ZNF503: variants seen among roughly 807,000 people sequenced by gnomAD.
The protein encoded by ZNF503 is zinc finger protein 503, also known as NocA-like zinc finger 2.
In ZNF503, 15 loss-of-function variants were observed where a neutral mutation model predicts 34.4. The observed-to-expected ratio is 0.44, with a 90% CI of 0.29 to 0.67. The LOEUF is 0.67. ZNF503 is among the 30% of genes least tolerant of loss of function. ZNF503 has a pLI of 0.13. For synonymous variants in ZNF503, 580 were observed against 456.8 expected (o/e 1.27, Z -3.44); for missense variants, 1,007 against 926.8 (o/e 1.09, Z -1.12).
At chr10:75,372,526 A>G in the ZNF503 span, among the ~76,000 whole-genome samples, 3 of 152,250 alleles carry the variant, frequency 2.0e-5, no homozygotes, top group Non-Finnish European at 2.9e-5. Context: ...GCCTGACTCA[A>G]TGAACGACTG....
the ZNF503 span, among the ~76,000 whole-genome samples, chr10:75,301,754 CTT>C: frequency 6.6e-6 from 1 of 152,032 alleles, no homozygotes; most frequent in Non-Finnish European, 1.5e-5. Flanking sequence ...AATATAGAAA[CTT>C]TGCTCCAATA....
At chr10:75,305,499 T>A in the ZNF503 span, among the ~76,000 whole-genome samples, 5 of 152,176 alleles carry the variant, frequency 3.3e-5, no homozygotes, top group African/African-American at 1.2e-4. Context: ...TACAAGTTTT[T>A]TTGTTTTGGT....
At chr10:75,370,195 T>C in the ZNF503 span, among the ~76,000 whole-genome samples, 1 of 152,184 alleles carries the variant, frequency 6.6e-6, no homozygotes, top group African/African-American at 2.4e-5. Flanking sequence ...TATTTACGTT[T>C]ATAATAATTT....
the ZNF503 span, among the ~76,000 whole-genome samples, chr10:75,348,304 C>T: frequency 5.3e-5 from 8 of 151,650 alleles, no homozygotes; most frequent in Admixed American, 2.0e-4. Flanking sequence ...TCAAGTGATC[C>T]GCCTTTCTCA....
At chr10:75,319,469 G>C in the ZNF503 span, among the ~76,000 whole-genome samples, 2 of 152,002 alleles carry the variant, frequency 1.3e-5, no homozygotes, top group South Asian at 4.1e-4. Context: ...GTAATACCTA[G>C]AGCAGCCACT....
chr10:75,305,304 T>C, the ZNF503 span, among the ~76,000 whole-genome samples: 12 of 152,096 alleles, frequency 7.9e-5, no homozygotes, highest in Admixed American at 7.9e-4. Context: ...CCAAGTTGTA[T>C]GGAATAAGAA....
the ZNF503 span, among the ~76,000 whole-genome samples, chr10:75,308,045 C>T: frequency 2.6e-5 from 4 of 152,206 alleles, no homozygotes; most frequent in Non-Finnish European, 5.9e-5. Context: ...AATGCCACTT[C>T]ACTCCAGTGT....
the ZNF503 span, among the ~76,000 whole-genome samples, chr10:75,359,978 G>A: frequency 6.6e-6 from 1 of 151,964 alleles, no homozygotes; most frequent in African/African-American, 2.4e-5. Context: ...GTTTTTAGGT[G>A]TGTTTATTAC....
the ZNF503 span, among the ~76,000 whole-genome samples, chr10:75,309,405 TC>T: frequency 6.6e-6 from 1 of 152,186 alleles, no homozygotes; most frequent in Non-Finnish European, 1.5e-5. Flanking sequence ...GCAGCAAACT[TC>T]ATTATTATCT....
At chr10:75,395,083 C>T (rs1041373856), downstream of ZNF503, among the ~76,000 whole-genome samples, 1 of 152,160 alleles carries the variant, frequency 6.6e-6, no homozygotes, top group East Asian at 1.9e-4. This position sits in a 1 kb window ranked among gnomAD's most constrained non-coding sequence, Gnocchi z 4.4. Flanking sequence ...ATGAGCAGCC[C>T]TTGGCAAGGA....
the ZNF503 span, among the ~76,000 whole-genome samples, chr10:75,354,274 C>A: frequency 6.6e-6 from 1 of 152,196 alleles, no homozygotes; most frequent in African/African-American, 2.4e-5. Context: ...AAAGAGGGAA[C>A]TTCCTGGTTG....
At position 75,399,188 on chromosome 10, in the gene ZNF503, T is replaced by C. The variant is rs770631143; in HGVS notation, c.1502A>G (p.Tyr501Cys). The C allele has an allele frequency of 1.6e-5, 26 of 1,602,898 alleles. No individual in the cohort carries two copies. Among genetic ancestry groups the C allele is most frequent in the Middle Eastern group, 1.7e-4 (1 of 6,044 alleles). ...TPPSLAGHPL[Y>C]PYGFMLPNDP... ...GTTAGGGAGCATAAAGCCGTAGGGG[T>C]AGAGGGGGTGGCCGGCCAGGGAGGG... Residue 501 changes from tyrosine to cysteine, a missense_variant, in exon 2 of 2, where the codon TAC becomes TGC. By Grantham distance (194) the Tyr-to-Cys change is radical. Transcript: ENST00000372524.
At chr10:75,401,082 C>A (rs1253170904) in intron 1 of ZNF503, 23 bp downstream of exon 1, 2 of 1,613,532 alleles carry the variant, frequency 1.2e-6, no homozygotes, top group Non-Finnish European at 8.5e-7. Flanking sequence ...GGTCCCAGTG[C>A]GATCCAGAGA....
At chr10:75,378,064 C>T in the ZNF503 span, among the ~76,000 whole-genome samples, 4 of 152,008 alleles carry the variant, frequency 2.6e-5, no homozygotes, top group South Asian at 2.1e-4. Context: ...TGAGAATTCA[C>T]TATCTCGAGG....
At chr10:75,378,132 C>T in the ZNF503 span, among the ~76,000 whole-genome samples, 4 of 152,110 alleles carry the variant, frequency 2.6e-5, no homozygotes, top group Non-Finnish European at 5.9e-5. Context: ...AAACCACCCT[C>T]ATGATCCTAT....
chr10:75,288,841 G>A, the ZNF503 span, among the ~76,000 whole-genome samples: 2 of 152,220 alleles, frequency 1.3e-5, no homozygotes, highest in Non-Finnish European at 2.9e-5. Flanking sequence ...TTTGCTGCAT[G>A]TGTTAATTTC....
At chr10:75,300,164 G>A in the ZNF503 span, among the ~76,000 whole-genome samples, 48 of 152,320 alleles carry the variant, frequency 3.2e-4, no homozygotes, top group African/African-American at 1.1e-3. Flanking sequence ...TCTTTCTCAG[G>A]AATGTTCCTT....
chr10:75,380,026 A>G, the ZNF503 span, among the ~76,000 whole-genome samples: 25 of 152,296 alleles, frequency 1.6e-4, no homozygotes, highest in African/African-American at 6.0e-4. Context: ...AGTGTCTGGT[A>G]ACATGGGTTA....
In ZNF503 at chr10:75,398,765, G is replaced by A. The variant is rs770701075; in HGVS notation, c.1925C>T (p.Ala642Val). ...LYGQRLTTAS[A>V]LGYQ ...CGGCCGCCCTCACTGATACCCCAGCGCCGAGGCGGTGGTCAGTCTCTGTCC... is the reference window on the plus strand; with the variant it reads ...CGGCCGCCCTCACTGATACCCCAGCACCGAGGCGGTGGTCAGTCTCTGTCC... The change falls in exon 2 of 2, where the codon GCG becomes GTG. Residue 642 changes from alanine (A) to valine (V), a missense_variant. Coordinates refer to ENST00000372524, the MANE Select transcript of ZNF503 (RefSeq NM_032772.6). The A allele has an allele frequency of 5.0e-6, 7 of 1,411,336 alleles. No homozygotes were observed. In the Admixed American group the frequency reaches 1.2e-4, roughly 25 times the overall value. 87.4% of individuals were successfully genotyped at this position (1,411,336 alleles called of 1,614,324 possible). A position where few individuals can be genotyped will look rare whatever the true frequency, so the allele number is the denominator to read the frequency against.
Sources: allele counts gnomAD v4.1 joint callset (sites outside exome capture counted in the v4.1 genomes callset), GRCh38; gene constraint gnomAD v4.1.1; non-coding constraint Gnocchi (gnomAD v3.1); transcripts MANE v1.5; gene names NCBI Gene and HGNC (gene_info 2026-07-23, HGNC 2026-07-21).